The following LONRF2 variants were observed in gnomAD, a reference collection of about 807,000 sequenced individuals.
The protein encoded by LONRF2 is LON peptidase N-terminal domain and RING finger protein 2.
In LONRF2, 35 loss-of-function variants were observed where a neutral mutation model predicts 66.6. The observed-to-expected ratio is 0.53, with a 90% CI of 0.40 to 0.70. The LOEUF is 0.70. LONRF2 is among the 30% of genes least tolerant of loss of function. The probability of loss-of-function intolerance (pLI) is 0.00; values close to 1 mark genes in which losing one functional copy is unlikely to be tolerated. For synonymous variants in LONRF2, 417 were observed against 418.1 expected (o/e 1.00, Z 0.03); for missense variants, 902 against 1,002.1 (o/e 0.90, Z 1.35).
rs751868057 is a variant in LONRF2 at position 100,300,636 on chromosome 2, C to T, written c.1065+8G>A. Reference sequence around the variant, plus strand: ...AAGAGAATCCTGACAAATGCATGCACGTCATACCTCCGAGCTCCCTGCATC... The same window carrying T: ...AAGAGAATCCTGACAAATGCATGCATGTCATACCTCCGAGCTCCCTGCATC... On this transcript the variant is annotated splice_region_variant and intron_variant, in intron 4 of 11. Transcript: ENST00000393437. 31 of 1,599,946 alleles carry T rather than the reference C, an allele frequency of 1.9e-5. No individual in the cohort carries two copies. In the South Asian group the frequency reaches 2.9e-4, roughly 15 times the overall value.
At chr2:100,309,436 G>A (rs982724008) in intron 1 of LONRF2, 9 of 261,508 alleles carry the variant, frequency 3.4e-5, no homozygotes, top group Non-Finnish European at 5.7e-5. Context: ...ATTTTAGACA[G>A]CTCCTCTCAG....
chr2:100,300,853 C>T (rs1371827497), intron 3 of LONRF2, 66 bp from the exon 4 acceptor site: 17 of 1,268,650 alleles, frequency 1.3e-5, no homozygotes, highest in Non-Finnish European at 1.7e-5. Flanking sequence ...TATAGTATGT[C>T]TTATAGATTC....
At chr2:100,317,639 A>G (rs1675534440) in intron 1 of LONRF2, among the ~76,000 whole-genome samples, 1 of 152,178 alleles carries the variant, frequency 6.6e-6, no homozygotes, top group South Asian at 2.1e-4. Flanking sequence ...ATGAAATGCA[A>G]TTCTGATGGT....
At chr2:100,290,631 A>G (rs1674940672) in intron 9 of LONRF2, among the ~76,000 whole-genome samples, 2 of 152,120 alleles carry the variant, frequency 1.3e-5, no homozygotes, top group South Asian at 4.1e-4. Flanking sequence ...GCTGCAGGGG[A>G]AGGGCTCCAG....
intron 2 of LONRF2, among the ~76,000 whole-genome samples, chr2:100,306,370 T>C (rs933026806): frequency 2.0e-5 from 3 of 152,206 alleles, no homozygotes; most frequent in Admixed American, 1.3e-4. Context: ...GAACTTCACG[T>C]AAAGTTTCAA....
chr2:100,305,088 T>C (rs1243907681), intron 2 of LONRF2, among the ~76,000 whole-genome samples: 3 of 152,200 alleles, frequency 2.0e-5, no homozygotes, highest in Non-Finnish European at 4.4e-5. Flanking sequence ...CTCGGAACTC[T>C]GAACTCCTGG....
At chr2:100,290,176 A>G in intron 10 of LONRF2, 82 bp downstream of exon 10, 1 of 1,310,914 alleles carries the variant, frequency 7.6e-7, no homozygotes, top group South Asian at 1.5e-5. Flanking sequence ...TTGTCAGTAC[A>G]AGTTTGACAA....
chr2:100,313,048 A>G (rs1675439413), intron 1 of LONRF2, among the ~76,000 whole-genome samples: 1 of 152,354 alleles, frequency 6.6e-6, no homozygotes, highest in South Asian at 2.1e-4. Context: ...GAGGAAAAGA[A>G]GAGATGTCTA....
rs1052876924 is a variant in LONRF2, at chr2:100,306,999, C to T, written c.798+2108G>A. 9.4e-5 allele frequency among the ~76,000 whole-genome samples: 14 copies of T among 149,096 alleles called. No individual in the cohort carries two copies. The Middle Eastern group carries it at 0.01, about 112-fold the overall frequency. ...GCAGTGGTGCTATCTCGGCTCACTGCAACCTCCGCCTCCCGGGTTGACGCC... is the reference window on the plus strand; with the variant it reads ...GCAGTGGTGCTATCTCGGCTCACTGTAACCTCCGCCTCCCGGGTTGACGCC... On this transcript the variant is annotated intron_variant, in intron 2 of 11. Coordinates refer to ENST00000393437, the MANE Select transcript of LONRF2 (RefSeq NM_198461.4).
rs561404659 is a variant in LONRF2 at position 100,277,128 on chromosome 2, T to C, written c.*7170A>G. The stretch of plus-strand genomic sequence containing the variant: ...GGGCACCCTCCATAAACAACCTCTA[T>C]AATCAAACCTTAAAATCCATGGGCA... On this transcript the variant is annotated 3_prime_UTR_variant, in exon 12 of 12. Transcript: ENST00000393437. The C allele has an allele frequency of 6.6e-6, 1 of 152,322 alleles. No individual in the cohort carries two copies. The highest frequency in any genetic ancestry group is 2.4e-5 in the African/African-American group (1 of 41,580). 9.4% of individuals were successfully genotyped at this position (152,322 alleles called of 1,614,324 possible). A position where few individuals can be genotyped will look rare whatever the true frequency, so the allele number is the denominator to read the frequency against.
In LONRF2 at chr2:100,309,107, C is replaced by A; in HGVS notation, c.798G>T (p.Lys266Asn). 2 of 1,553,728 alleles carry A rather than the reference C, an allele frequency of 1.3e-6. No individual in the cohort carries two copies. Among genetic ancestry groups the A allele is most frequent in the Non-Finnish European group, 1.7e-6 (2 of 1,147,954 alleles). Residue 266 changes from lysine (K) to asparagine (N), a missense_variant and splice_region_variant, in exon 2 of 12, where the codon AAG becomes AAT. Lys to Asn is a moderately conservative substitution (Grantham distance 94). Coordinates refer to ENST00000393437, the MANE Select transcript of LONRF2 (RefSeq NM_198461.4). ...AACQNEPLLI[K>N]GHQVKAQALS... ...CTCCAAAGCTAACAAATACAAATAC[C>A]TTAATCAAGAGAGGTTCATTCTGAC...
rs752040484 is a variant in LONRF2 at position 100,284,411 on chromosome 2, C to T, written c.2152G>A (p.Gly718Ser). Residue 718 changes from glycine to serine, a missense_variant, in exon 12 of 12, where the codon GGC (glycine) becomes AGC (serine). This residue lies in a region of LONRF2 where 317 missense variants were observed against 432.2 expected (regional missense o/e 0.73). Coordinates refer to ENST00000393437, the MANE Select transcript of LONRF2 (RefSeq NM_198461.4). Reference sequence around the variant, plus strand: ...AGCCGCTCTTTGAGCGAGGTCATGCCGAGGATGGCCAGCTGAGCCTTGCGC... The same window carrying T: ...AGCCGCTCTTTGAGCGAGGTCATGCTGAGGATGGCCAGCTGAGCCTTGCGC... ...LERKAQLAILGMTSLKERLLA... is the reference protein window; with the variant it reads ...LERKAQLAILSMTSLKERLLA... 1.7e-5 allele frequency: 27 copies of T among 1,605,642 alleles called. No homozygotes were observed. Among genetic ancestry groups the T allele is most frequent in the South Asian group, 2.3e-5 (2 of 88,882 alleles).
At position 100,295,484 on chromosome 2, in the gene LONRF2, C is replaced by T; in HGVS notation, c.1546G>A (p.Glu516Lys). ...EELIFRYLPD[E>K]LSDRKRIYDE... ...TAAATTCTCTTCCTATCAGACAATT[C>T]ATCCGGCAAATATCGAAATATTAAT... The change falls in exon 8 of 12, where the codon GAA (glutamate) becomes AAA (lysine). Residue 516 changes from glutamate (E) to lysine (K), a missense_variant. By Grantham distance (56) the Glu-to-Lys change is moderately conservative. This residue lies in a region of LONRF2 where 317 missense variants were observed against 432.2 expected (regional missense o/e 0.73). Coordinates refer to ENST00000393437, the MANE Select transcript of LONRF2 (RefSeq NM_198461.4). 2 of 1,613,594 alleles carry T rather than the reference C, an allele frequency of 1.2e-6. No homozygotes were observed. Among genetic ancestry groups the T allele is most frequent in the Non-Finnish European group, 1.7e-6 (2 of 1,179,702 alleles).
rs945397683 is a variant in LONRF2 at position 100,322,307 on chromosome 2, G to T, written c.-214C>A. The T allele has an allele frequency of 2.7e-6, 1 of 367,202 alleles. No individual in the cohort carries two copies. Among genetic ancestry groups the T allele is most frequent in the South Asian group, 1.4e-4 (1 of 7,260 alleles). 22.7% of individuals were successfully genotyped at this position (367,202 alleles called of 1,614,324 possible). The stretch of plus-strand genomic sequence containing the variant: ...CAGCGCGGTGTGGGCGGCGAGCCCC[G>T]CAGGGCTGCAATCGTTCCGGGGTGG... On this transcript the variant is annotated 5_prime_UTR_variant, in exon 1 of 12. Coordinates refer to ENST00000393437, the MANE Select transcript of LONRF2 (RefSeq NM_198461.4).
chr2:100,304,787 C>A (rs996373789), intron 2 of LONRF2, among the ~76,000 whole-genome samples: 1 of 85,134 alleles, frequency 1.2e-5, no homozygotes, highest in African/African-American at 4.6e-5. Context: ...CCATGCCTGG[C>A]TAATTTTTTT....
intron 7 of LONRF2, 72 bp downstream of exon 7, chr2:100,298,764 C>T (rs1012928371): frequency 1.3e-5 from 14 of 1,114,372 alleles, no homozygotes; most frequent in Admixed American, 3.4e-5. Flanking sequence ...GGAAGCAACA[C>T]GAGACAGGGA....
chr2:100,280,006 C>G lies in LONRF2; in HGVS notation c.*4292G>C, dbSNP rs1337393561. 1 of 152,226 alleles carries G rather than the reference C, an allele frequency of 6.6e-6. No homozygotes were observed. Among genetic ancestry groups the G allele is most frequent in the East Asian group, 1.9e-4 (1 of 5,188 alleles). 9.4% of individuals were successfully genotyped at this position (152,226 alleles called of 1,614,324 possible). A position where few individuals can be genotyped will look rare whatever the true frequency, so the allele number is the denominator to read the frequency against. On this transcript the variant is annotated 3_prime_UTR_variant, in exon 12 of 12. Coordinates refer to ENST00000393437, the MANE Select transcript of LONRF2 (RefSeq NM_198461.4). ...AACAGTCAACGCTGTCAATGGCATC[C>G]ACCTTTCTGCGTCCTCAATCAGTTA...
chr2:100,273,222 T>C lies in LONRF2; in HGVS notation c.*11076A>G, dbSNP rs1382943321. 6.6e-6 allele frequency: 1 copy of C among 152,226 alleles called. No homozygotes were observed. Among genetic ancestry groups the C allele is most frequent in the Non-Finnish European group, 1.5e-5 (1 of 68,042 alleles). The allele number at this position is 152,226 out of a possible 1,614,324, so 9.4% of individuals were successfully genotyped here. On this transcript the variant is annotated 3_prime_UTR_variant, in exon 12 of 12. Transcript: ENST00000393437. ...GCTGGAGGAGATGAAGGAGGAGTTT[T>C]CCTGGGGCCTTCAGAGAAAGCCCGG...
At position 100,273,410 on chromosome 2, in the gene LONRF2, A is replaced by G. The variant is rs1286764781; in HGVS notation, c.*10888T>C. ...ATTTGATCTAATTTCTCATCAGTCT[A>G]GCCTATTACTTAGGTGTGATTATTT... is the stretch of plus-strand genomic sequence containing the variant. On this transcript the variant is annotated 3_prime_UTR_variant, in exon 12 of 12. Coordinates refer to ENST00000393437, the MANE Select transcript of LONRF2 (RefSeq NM_198461.4). The G allele has an allele frequency of 6.6e-6, 1 of 152,256 alleles. No individual in the cohort carries two copies. The highest frequency in any genetic ancestry group is 1.5e-5 in the Non-Finnish European group (1 of 68,048). The allele number at this position is 152,256 out of a possible 1,614,324, so 9.4% of individuals were successfully genotyped here.
Sources: gnomAD v4.1 joint callset for allele counts (sites outside exome capture counted in the v4.1 genomes callset) on GRCh38, gnomAD v4.1.1 for gene constraint, gnomAD v4.1.1 regional missense constraint, MANE v1.5 for transcripts, NCBI Gene and HGNC (gene_info 2026-07-23, HGNC 2026-07-21) for gene names.